WNT7A: variants seen among roughly 807,000 people sequenced by gnomAD.
WNT7A encodes Wnt family member 7A.
WNT7A carries 16 observed loss-of-function variants against 28.2 expected under a neutral mutation model. That is an observed-to-expected ratio of 0.57 (90% CI 0.38 to 0.86). The LOEUF (loss-of-function observed/expected upper bound fraction) is 0.86. WNT7A is among the 40% of genes least tolerant of loss of function. WNT7A has a pLI of 0.00. For synonymous variants in WNT7A, 190 were observed against 195.9 expected (o/e 0.97, Z 0.25); for missense variants, 411 against 489.7 (o/e 0.84, Z 1.52).
At chr3:13,819,757 G>A (rs1040017264) in intron 3 of WNT7A, among the ~76,000 whole-genome samples, 2 of 152,200 alleles carry the variant, frequency 1.3e-5, no homozygotes, top group Admixed American at 6.5e-5. Context: ...ATCTTTAAGA[G>A]GTAATGTTGA....
chr3:13,845,634 T>G (rs1457403430), intron 3 of WNT7A, among the ~76,000 whole-genome samples: 1 of 152,146 alleles, frequency 6.6e-6, no homozygotes, highest in Non-Finnish European at 1.5e-5. Context: ...AGGAGTGGAC[T>G]CCAGAGCCCA....
At chr3:13,864,619 A>G (rs1053634752) in intron 2 of WNT7A, among the ~76,000 whole-genome samples, 2 of 152,354 alleles carry the variant, frequency 1.3e-5, no homozygotes, top group African/African-American at 4.8e-5. Flanking sequence ...CCTGCACCCC[A>G]GCATTTACTG....
intron 2 of WNT7A, among the ~76,000 whole-genome samples, chr3:13,859,108 T>C (rs1283845660): frequency 2.0e-5 from 3 of 152,248 alleles, no homozygotes; most frequent in Non-Finnish European, 4.4e-5. Flanking sequence ...CGTTGCGTTG[T>C]AGTTTTGTTG....
Position 13,823,372 on chromosome 3 carries a change from C to T in WNT7A, c.571-3949G>A, listed in dbSNP as rs761281868. Reference sequence around the variant, plus strand: ...CCCAGTGCCTGGCATACAGCCGGTGCGCAGAAAATGCCAGAAGGTAATTCA... The same window carrying T: ...CCCAGTGCCTGGCATACAGCCGGTGTGCAGAAAATGCCAGAAGGTAATTCA... On this transcript the variant is annotated intron_variant, in intron 3 of 3. Coordinates refer to ENST00000285018, the MANE Select transcript of WNT7A (RefSeq NM_004625.4). Among the ~76,000 whole-genome samples the T allele has an allele frequency of 5.3e-5, 8 of 152,170 alleles. No homozygotes were observed. In the East Asian group the frequency reaches 5.8e-4, roughly 11 times the overall value.
intron 3 of WNT7A, among the ~76,000 whole-genome samples, chr3:13,835,805 A>G (rs1455570801): frequency 6.6e-6 from 1 of 152,244 alleles, no homozygotes; most frequent in African/African-American, 2.4e-5. Flanking sequence ...CGTAAACACA[A>G]TGTTGTCTTT....
chr3:13,873,332 T>A (rs1299092492), intron 2 of WNT7A, among the ~76,000 whole-genome samples: 1 of 151,836 alleles, frequency 6.6e-6, no homozygotes, highest in Non-Finnish European at 1.5e-5. Flanking sequence ...TGTCACCTGG[T>A]GACATTTGTC....
intron 3 of WNT7A, among the ~76,000 whole-genome samples, chr3:13,831,437 C>T (rs1202280044): frequency 1.3e-5 from 2 of 152,198 alleles, no homozygotes; most frequent in African/African-American, 4.8e-5. Context: ...AGCAATCTGG[C>T]TGTAGAGCTG....
intron 2 of WNT7A, among the ~76,000 whole-genome samples, chr3:13,859,313 T>G (rs917532108): frequency 5.3e-5 from 8 of 152,208 alleles, no homozygotes; most frequent in Admixed American, 3.3e-4. Flanking sequence ...TGAGTCCTAA[T>G]TTCAACCCTG....
chr3:13,844,873 C>G (rs1466364337), intron 3 of WNT7A, among the ~76,000 whole-genome samples: 1 of 152,174 alleles, frequency 6.6e-6, no homozygotes, highest in African/African-American at 2.4e-5. Flanking sequence ...ACTCCTGCCC[C>G]TCTCCTCACC....
chr3:13,829,685 G>A (rs1007436317), intron 3 of WNT7A, among the ~76,000 whole-genome samples: 3 of 152,140 alleles, frequency 2.0e-5, no homozygotes, highest in East Asian at 1.9e-4. Flanking sequence ...GGGGGATCTC[G>A]GAGAGAAAAG....
chr3:13,844,617 C>T (rs145268749), intron 3 of WNT7A, among the ~76,000 whole-genome samples: 1 of 152,322 alleles, frequency 6.6e-6, no homozygotes, highest in Non-Finnish European at 1.5e-5. Context: ...CACCTAGAAC[C>T]CCACCTGGGA....
chr3:13,819,655 G>A (rs1694080229), intron 3 of WNT7A, among the ~76,000 whole-genome samples: 1 of 152,180 alleles, frequency 6.6e-6, no homozygotes, highest in South Asian at 2.1e-4. Context: ...TATGTAGAAG[G>A]GGGATAACGA....
At chr3:13,823,264 G>A (rs1357445919) in intron 3 of WNT7A, among the ~76,000 whole-genome samples, 1 of 152,212 alleles carries the variant, frequency 6.6e-6, no homozygotes, top group African/African-American at 2.4e-5. Flanking sequence ...CCCACTTGAA[G>A]AGCCTGGGCT....
intron 2 of WNT7A, among the ~76,000 whole-genome samples, chr3:13,864,222 C>T (rs944291266): frequency 2.0e-5 from 3 of 152,132 alleles, no homozygotes; most frequent in Non-Finnish European, 4.4e-5. Flanking sequence ...GATTATCTTC[C>T]TACATCCTGT....
chr3:13,819,572 G>T, intron 3 of WNT7A, 149 bp from the exon 4 acceptor site: 1 of 1,146,416 alleles, frequency 8.7e-7, no homozygotes, highest in Non-Finnish European at 1.2e-6. Flanking sequence ...ACTCAGACCT[G>T]GATTCTAGGC....
intron 1 of WNT7A, among the ~76,000 whole-genome samples, chr3:13,877,615 G>C (rs1225256385): frequency 6.6e-6 from 1 of 152,174 alleles, no homozygotes; most frequent in African/African-American, 2.4e-5. Context: ...TCACTTATTA[G>C]TTGTGCGATC....
intron 3 of WNT7A, among the ~76,000 whole-genome samples, chr3:13,827,958 C>A (rs191123530): frequency 2.2e-4 from 34 of 152,250 alleles, no homozygotes; most frequent in Admixed American, 9.8e-4. Context: ...ACAGTGCCAC[C>A]TCCTCCACAG....
chr3:13,871,441 T>C (rs2124877072), intron 2 of WNT7A, among the ~76,000 whole-genome samples: 1 of 152,264 alleles, frequency 6.6e-6, no homozygotes, highest in African/African-American at 2.4e-5. Flanking sequence ...CTCAGGGCTC[T>C]CATCTTGACT....
chr3:13,856,893 A>AAAGAAGAAGAAGAAGAAG (rs775537679), intron 2 of WNT7A, among the ~76,000 whole-genome samples: 5 of 73,358 alleles, frequency 6.8e-5, no homozygotes, highest in Admixed American at 1.4e-4. Flanking sequence ...AGAAGAAGAA[A>AAAGAAGAAGAAGAAGAAG]AAGAAGAAGA....
Sources: allele counts gnomAD v4.1 joint callset (sites outside exome capture counted in the v4.1 genomes callset), GRCh38; gene constraint gnomAD v4.1.1; transcripts MANE v1.5; gene names NCBI Gene and HGNC (gene_info 2026-07-23, HGNC 2026-07-21).